The following SMARCA4 variants were observed in gnomAD, a reference collection of about 807,000 sequenced individuals.
SMARCA4 encodes the protein SWI/SNF-related matrix-associated actin-dependent regulator of chromatin subfamily A member 4.
SMARCA4 carries 31 observed loss-of-function variants against 193.9 expected under a neutral mutation model. The ratio of observed to expected loss-of-function variants is 0.16; its 90% confidence interval spans 0.12 to 0.22. The LOEUF (loss-of-function observed/expected upper bound fraction) is 0.22. Ranked by LOEUF, SMARCA4 falls within the 10% of genes least tolerant of loss-of-function variation. The pLI is 1.00. For missense variants in SMARCA4, 1,148 were observed against 2,296.0 expected (o/e 0.50, Z 10.22); for synonymous variants, 942 against 933.1 (o/e 1.01, Z -0.17).
chr19:11,058,483 C>A lies in SMARCA4; in HGVS notation c.4533+120C>A, dbSNP rs1180741675. On this transcript the variant is annotated intron_variant, in intron 31 of 34. Coordinates refer to ENST00000344626, the MANE Select transcript of SMARCA4 (RefSeq NM_003072.5). This position sits in a 1 kb window ranked among gnomAD's most constrained non-coding sequence, Gnocchi z 5.8. Reference sequence around the variant, plus strand: ...TGACCAGAAACCACCTAGGCGGTGCCTTGGGCTACCTGGTTAGGGACCTGG... The same window carrying A: ...TGACCAGAAACCACCTAGGCGGTGCATTGGGCTACCTGGTTAGGGACCTGG... 1.2e-5 allele frequency: 9 copies of A among 771,128 alleles called. No homozygotes were observed. The highest frequency in any genetic ancestry group is 2.0e-5 in the Non-Finnish European group (9 of 444,880). The allele number at this position is 771,128 out of a possible 1,614,324, so 47.8% of individuals were successfully genotyped here. A position where few individuals can be genotyped will look rare whatever the true frequency, so the allele number is the denominator to read the frequency against.
In SMARCA4 at chr19:11,041,049, G is replaced by T. The variant is rs1045888643; in HGVS notation, c.4171-258G>T. The T allele has an allele frequency of 2.7e-5, 14 of 514,276 alleles. No homozygotes were observed. The highest frequency in any genetic ancestry group is 4.1e-5 in the Non-Finnish European group (12 of 291,012). The allele number at this position is 514,276 out of a possible 1,614,324, so 31.9% of individuals were successfully genotyped here. A position where few individuals can be genotyped will look rare whatever the true frequency, so the allele number is the denominator to read the frequency against. ...CAGAGAAGATAGTTCTTTTTTTTTG[G>T]TCAAGAAATTCAACCATTAGTTTTT... is the stretch of plus-strand genomic sequence containing the variant. On this transcript the variant is annotated intron_variant, in intron 29 of 34. Transcript: ENST00000344626. This position sits in a 1 kb window ranked among gnomAD's most constrained non-coding sequence, Gnocchi z 5.6.
At chr19:11,051,461 G>A (rs868363743) in intron 30 of SMARCA4, among the ~76,000 whole-genome samples, 15 of 151,018 alleles carry the variant, frequency 9.9e-5, no homozygotes, top group Admixed American at 2.6e-4. Context: ...TGCCGCAGTC[G>A]TCCGAGGGAA....
chr19:11,061,612 G>A (rs1280156978), intron 34 of SMARCA4, 172 bp from the exon 35 acceptor site: 10 of 693,298 alleles, frequency 1.4e-5, no homozygotes, highest in South Asian at 7.5e-5. Context: ...TCCTGACCTC[G>A]TGATCCGCCC....
At chr19:11,051,911 G>A (rs1008701870) in intron 30 of SMARCA4, among the ~76,000 whole-genome samples, 11 of 152,046 alleles carry the variant, frequency 7.2e-5, no homozygotes, top group Non-Finnish European at 1.5e-4. Context: ...GCCTGACCAA[G>A]ATGGTGAAAC....
At position 10,986,532 on chromosome 19, in the gene SMARCA4, C is replaced by T. The variant is rs1216686885; in HGVS notation, c.699C>T (p.Gly233=). Residue 233 remains glycine, a synonymous_variant, in exon 4 of 35, where the codon GGC becomes GGT. Transcript: ENST00000344626. The surrounding 1 kb of genome is among the most constrained non-coding windows in gnomAD (Gnocchi z 6.7). ...TGTCCGCAACAGGACCCGGCCCTGG[C>T]CCTGGCCCTGGCCCCGGCCCGGGTC... is the stretch of plus-strand genomic sequence containing the variant. ...PSVSATGPGP[G]PGPGPGPGPG... is the part of the protein sequence containing the mutation. The T allele has an allele frequency of 6.5e-7, 1 of 1,541,458 alleles. No homozygotes were observed. Among genetic ancestry groups the T allele is most frequent in the African/African-American group, 1.4e-5 (1 of 73,122 alleles).
At chr19:11,012,777 C>T (rs1382866936) in intron 15 of SMARCA4, 172 bp from the exon 16 acceptor site, 2 of 687,568 alleles carry the variant, frequency 2.9e-6, no homozygotes, top group Non-Finnish European at 5.3e-6. Flanking sequence ...TGAGGCTAAG[C>T]GATAAAGAAT....
At chr19:10,977,061 CAAAT>C (rs1022764937) in intron 1 of SMARCA4, among the ~76,000 whole-genome samples, 4 of 152,152 alleles carry the variant, frequency 2.6e-5, no homozygotes, top group East Asian at 1.9e-4. Flanking sequence ...GTCTCCAAAA[CAAAT>C]AAATAAACAA....
At chr19:11,018,861 T>C in intron 16 of SMARCA4, 96 bp from the exon 17 acceptor site, 1 of 982,578 alleles carries the variant, frequency 1.0e-6, no homozygotes, top group South Asian at 1.3e-5. Context: ...GCTGTGGCCA[T>C]GTTGGCCTCG....
chr19:11,044,605 G>C (rs894905271), intron 30 of SMARCA4, among the ~76,000 whole-genome samples: 1 of 152,178 alleles, frequency 6.6e-6, no homozygotes, highest in Non-Finnish European at 1.5e-5. Context: ...ACCAGCACCC[G>C]CCCCAGAACG....
intron 23 of SMARCA4, 104 bp from the exon 24 acceptor site, chr19:11,027,680 C>G: frequency 7.9e-7 from 1 of 1,269,806 alleles, no homozygotes; most frequent in Non-Finnish European, 1.1e-6. Flanking sequence ...CCCTTGAACC[C>G]GGCGCCTGGC....
Position 10,996,252 on chromosome 19 carries a change from A to C in SMARCA4, c.1633A>C (p.Lys545Gln). ...EEGYRKLIDQKKDKRLAYLLQ... is the reference protein window; with the variant it reads ...EEGYRKLIDQQKDKRLAYLLQ... Reference sequence around the variant, plus strand: ...GGGGTACCGCAAGCTCATCGACCAGAAGAAGGACAAGCGCCTGGCCTACCT... The same window carrying C: ...GGGGTACCGCAAGCTCATCGACCAGCAGAAGGACAAGCGCCTGGCCTACCT... The change falls in exon 10 of 35, where the codon AAG (lysine) becomes CAG (glutamine). Residue 545 changes from lysine to glutamine, a missense_variant. This residue lies in a region of SMARCA4 where 10 missense variants were observed against 89.9 expected (regional missense o/e 0.11). Transcript: ENST00000344626. 1 of 1,614,226 alleles carries C rather than the reference A, an allele frequency of 6.2e-7. No individual in the cohort carries two copies. Among genetic ancestry groups the C allele is most frequent in the Non-Finnish European group, 8.5e-7 (1 of 1,180,028 alleles).
At chr19:11,044,199 G>T (rs1174910438) in intron 30 of SMARCA4, among the ~76,000 whole-genome samples, 1 of 152,018 alleles carries the variant, frequency 6.6e-6, no homozygotes, top group African/African-American at 2.4e-5. Context: ...CCCCACACAC[G>T]CACACACCAT....
chr19:11,036,085 C>T (rs1373776927), intron 29 of SMARCA4, among the ~76,000 whole-genome samples: 1 of 152,204 alleles, frequency 6.6e-6, no homozygotes, highest in East Asian at 1.9e-4. Flanking sequence ...ATGAGCTTGC[C>T]TGCCAAGCTG....
At chr19:10,965,607 T>C (rs1412405733) in intron 1 of SMARCA4, among the ~76,000 whole-genome samples, 6 of 152,184 alleles carry the variant, frequency 3.9e-5, no homozygotes, top group African/African-American at 7.2e-5. Context: ...GTGAAGATGA[T>C]AGAGTGTGCT....
rs778628081 is a variant in SMARCA4 at position 10,991,164 on chromosome 19, G to A, written c.1260G>A (p.Val420=). The change falls in exon 8 of 35, where the codon GTG becomes GTA. Residue 420 remains valine (V), a synonymous_variant. Transcript: ENST00000344626. ...LNFQRQLRQE[V]VVCMRRDTAL... is the part of the protein sequence containing the mutation. Reference sequence around the variant, plus strand: ...CCCTCCTACAGCTGCGCCAGGAGGTGGTGGTGTGCATGCGGAGGGACACAG... The same window carrying A: ...CCCTCCTACAGCTGCGCCAGGAGGTAGTGGTGTGCATGCGGAGGGACACAG... 4.3e-5 allele frequency: 69 copies of A among 1,613,652 alleles called. No individual in the cohort carries two copies. The South Asian group carries it at 6.9e-4, about 16-fold the overall frequency.
In SMARCA4 at chr19:11,003,171, C is replaced by G. The variant is rs1000981081; in HGVS notation, c.1943+12C>G. ...GAGATGAACCCGGGGTGAGTTGGGC[C>G]TTGCATTCCAGATGCAGTGGGGATC... On this transcript the variant is annotated intron_variant, in intron 12 of 34. Transcript: ENST00000344626. 6.7e-5 allele frequency: 108 copies of G among 1,613,954 alleles called. No individual in the cohort carries two copies. The highest frequency in any genetic ancestry group is 9.1e-5 in the Non-Finnish European group (107 of 1,179,994).
At chr19:10,965,970 GTTTTTTTTTTTTTTT>G (rs372236923) in intron 1 of SMARCA4, among the ~76,000 whole-genome samples, 3 of 78,982 alleles carry the variant, frequency 3.8e-5, no homozygotes, top group African/African-American at 1.4e-4. Context: ...TAGTGGCATG[GTTTTTTTTTTTTTTT>G]TTTTTTTTTT....
chr19:11,011,449 T>C (rs1247797444), intron 15 of SMARCA4, among the ~76,000 whole-genome samples: 1 of 152,168 alleles, frequency 6.6e-6, no homozygotes, highest in Admixed American at 6.5e-5. Flanking sequence ...GGTCTCAAAC[T>C]CCTGACCTCA....
At chr19:11,011,395 T>G (rs1317600585) in intron 15 of SMARCA4, 1 of 152,210 alleles carries the variant, frequency 6.6e-6, no homozygotes, top group Non-Finnish European at 1.5e-5. Context: ...CGGCTAGTTT[T>G]TGTATTTTTA....
Sources: allele counts gnomAD v4.1 joint callset (sites outside exome capture counted in the v4.1 genomes callset), GRCh38; gene constraint gnomAD v4.1.1; regional missense constraint gnomAD v4.1.1; non-coding constraint Gnocchi (gnomAD v3.1); transcripts MANE v1.5; gene names NCBI Gene and HGNC (gene_info 2026-07-23, HGNC 2026-07-21).